The following ELAPOR1 variants were observed in gnomAD, a reference collection of about 807,000 sequenced individuals.
ELAPOR1 encodes the protein endosome-lysosome associated apoptosis and autophagy regulator 1, also known as endosome/lysosome-associated apoptosis and autophagy regulator 1.
A neutral mutation model predicts 119.7 loss-of-function variants in ELAPOR1; 77 were observed. The ratio of observed to expected loss-of-function variants is 0.64; its 90% confidence interval spans 0.54 to 0.78. The LOEUF is 0.78. Among genes scored for constraint, ELAPOR1 ranks in the 30% least tolerant of loss-of-function variants. The pLI, the probability that ELAPOR1 is intolerant of heterozygous loss-of-function variation, is 0.00. For synonymous variants in ELAPOR1, 481 were observed against 487.2 expected (o/e 0.99, Z 0.17); for missense variants, 1,115 against 1,270.4 (o/e 0.88, Z 1.86).
chr1:109,168,969 A>G (rs1388941251), intron 3 of ELAPOR1, among the ~76,000 whole-genome samples: 1 of 152,214 alleles, frequency 6.6e-6, no homozygotes, highest in Non-Finnish European at 1.5e-5. Context: ...CATTTTGCAA[A>G]TGTAACCCAC....
chr1:109,199,236 G>A (rs958956817), intron 18 of ELAPOR1, among the ~76,000 whole-genome samples: 1 of 152,066 alleles, frequency 6.6e-6, no homozygotes, highest in South Asian at 2.1e-4. Context: ...ATGACCACAG[G>A]ACACCCCCTC....
At chr1:109,161,714 T>C (rs1193762188) in intron 1 of ELAPOR1, 180 bp from the exon 2 acceptor site, 3 of 589,604 alleles carry the variant, frequency 5.1e-6, no homozygotes, top group Non-Finnish European at 8.8e-6. Context: ...TGGAAGGGAA[T>C]GATCCAAATC....
rs1049544471 is a variant in ELAPOR1, at chr1:109,158,522, C to A, written c.154-3372C>A. 3.3e-5 allele frequency among the ~76,000 whole-genome samples: 5 copies of A among 152,030 alleles called. No homozygotes were observed. The South Asian group carries it at 6.2e-4, about 19-fold the overall frequency. On this transcript the variant is annotated intron_variant, in intron 1 of 21. Coordinates refer to ENST00000369939, the MANE Select transcript of ELAPOR1 (RefSeq NM_020775.5). ...AGTATTACATGGCTGGGTGACGCTA[C>A]GGAAGGATGCGCTAACTACAGTTCC...
In ELAPOR1 at chr1:109,172,556, G is replaced by A. The variant is rs2101059896; in HGVS notation, c.684G>A (p.Trp228Ter). 2.5e-6 allele frequency: 4 copies of A among 1,613,132 alleles called. No individual in the cohort carries two copies. Among genetic ancestry groups the A allele is most frequent in the Non-Finnish European group, 2.5e-6 (3 of 1,179,172 alleles). Residue 228 changes from tryptophan to a stop codon, truncating the protein, a stop_gained, in exon 5 of 22, where the codon TGG (tryptophan) becomes TGA (stop). Transcript: ENST00000369939. LOFTEE classifies it high-confidence loss of function. ...SRWMKTTEKG[W>*]EFHSVELNRG... ...GGATGAAGACCACAGAGAAAGGATG[G>A]GAATTCCACAGTGTGAGTATCACAC...
At chr1:109,165,952 G>A (rs1651574701) in intron 3 of ELAPOR1, among the ~76,000 whole-genome samples, 1 of 150,208 alleles carries the variant, frequency 6.7e-6, no homozygotes, top group African/African-American at 2.5e-5. Context: ...GTCTCGCTCT[G>A]TCACCCAGGC....
intron 3 of ELAPOR1, among the ~76,000 whole-genome samples, chr1:109,167,673 A>G (rs1651679003): frequency 6.6e-6 from 1 of 152,006 alleles, no homozygotes; most frequent in Non-Finnish European, 1.5e-5. Context: ...CAATGGCGCA[A>G]TCACAGCTCA....
At chr1:109,180,411 G>A (rs537696429) in intron 7 of ELAPOR1, among the ~76,000 whole-genome samples, 10 of 152,156 alleles carry the variant, frequency 6.6e-5, no homozygotes, top group East Asian at 5.8e-4. Context: ...GGAGGCTGAC[G>A]CAGGAGGATC....
intron 1 of ELAPOR1, among the ~76,000 whole-genome samples, chr1:109,148,461 A>C (rs540517525): frequency 2.6e-5 from 4 of 152,342 alleles, no homozygotes; most frequent in South Asian, 4.1e-4. Context: ...TTAAAAAATT[A>C]TCTTGGAGAA....
At chr1:109,192,577 T>C in intron 13 of ELAPOR1, 34 bp from the exon 14 acceptor site, 1 of 1,609,232 alleles carries the variant, frequency 6.2e-7, no homozygotes, top group East Asian at 2.2e-5. Context: ...GTCTCAGGCC[T>C]CTCCCCTCTC....
rs191653185 is a variant in ELAPOR1 at position 109,188,029 on chromosome 1, C to T, written c.1042-148C>T. 4.2e-3 allele frequency: 5,932 copies of T among 1,420,416 alleles called. 18 individuals are homozygous for T. Among genetic ancestry groups the T allele is most frequent in the Non-Finnish European group, 4.2e-3 (4,519 of 1,084,322 alleles). 88.0% of individuals were successfully genotyped at this position (1,420,416 alleles called of 1,614,324 possible). A position where few individuals can be genotyped will look rare whatever the true frequency, so the allele number is the denominator to read the frequency against. ...CTGGGCTAGGTGCTTGGGATACATC[C>T]GTGAGCCACACAAAGTTCCCCACCC... On this transcript the variant is annotated intron_variant, in intron 8 of 21. Transcript: ENST00000369939.
At chr1:109,158,226 A>C (rs1306726615) in intron 1 of ELAPOR1, among the ~76,000 whole-genome samples, 5 of 152,120 alleles carry the variant, frequency 3.3e-5, no homozygotes, top group Non-Finnish European at 7.4e-5. Context: ...TAAAAGTAAC[A>C]GATACTATTT....
chr1:109,157,354 T>A (rs111825300), intron 1 of ELAPOR1, among the ~76,000 whole-genome samples: 2,896 of 152,296 alleles, frequency 0.019, 36 homozygotes, highest in South Asian at 0.039. Context: ...TAATTTACCA[T>A]TGAATTGTTT....
chr1:109,188,299 A>C lies in ELAPOR1; in HGVS notation c.1164A>C (p.Lys388Asn). The change falls in exon 9 of 22, where the codon AAA becomes AAC. Residue 388 changes from lysine to asparagine, a missense_variant. By Grantham distance (94) the Lys-to-Asn change is moderately conservative (BLOSUM62 0). Coordinates refer to ENST00000369939, the MANE Select transcript of ELAPOR1 (RefSeq NM_020775.5). ...HCPPCNPGFF[K>N]TNNSTCQPCP... ...CACCCTGCAACCCAGGCTTCTTCAA[A>C]ACCAACAACAGCACCTGCCAGCCCT... is the stretch of plus-strand genomic sequence containing the variant. 2 of 1,614,122 alleles carry C rather than the reference A, an allele frequency of 1.2e-6. No individual in the cohort carries two copies. Among genetic ancestry groups the C allele is most frequent in the Non-Finnish European group, 1.7e-6 (2 of 1,179,984 alleles).
chr1:109,149,538 G>C (rs1650396398), intron 1 of ELAPOR1, among the ~76,000 whole-genome samples: 1 of 152,134 alleles, frequency 6.6e-6, no homozygotes, highest in African/African-American at 2.4e-5. Context: ...TGTAATCCCA[G>C]CACCCGCACA....
intron 1 of ELAPOR1, among the ~76,000 whole-genome samples, chr1:109,133,447 A>G (rs969720727): frequency 6.6e-6 from 1 of 152,204 alleles, no homozygotes; most frequent in Admixed American, 6.5e-5. Context: ...AGAAAGATGT[A>G]CTGATGGTCT....
intron 7 of ELAPOR1, among the ~76,000 whole-genome samples, chr1:109,175,556 G>C (rs1213633086): frequency 6.7e-6 from 1 of 150,080 alleles, no homozygotes; most frequent in Non-Finnish European, 1.5e-5. Flanking sequence ...GCCAGGGGTG[G>C]TGGCTCGCGC....
At chr1:109,146,390 C>T (rs1319471344) in intron 1 of ELAPOR1, among the ~76,000 whole-genome samples, 3 of 152,054 alleles carry the variant, frequency 2.0e-5, no homozygotes, top group African/African-American at 7.2e-5. Context: ...AAAGATAAAT[C>T]CATATCTAGA....
chr1:109,193,961 AC>A (rs1421033521), intron 14 of ELAPOR1, among the ~76,000 whole-genome samples: 6 of 152,166 alleles, frequency 3.9e-5, no homozygotes, highest in African/African-American at 1.2e-4. Flanking sequence ...TCAGTTTCCT[AC>A]AGAGAACCTG....
intron 1 of ELAPOR1, among the ~76,000 whole-genome samples, chr1:109,122,332 C>G (rs1168342526): frequency 6.7e-6 from 1 of 149,534 alleles, no homozygotes; most frequent in Non-Finnish European, 1.5e-5. Flanking sequence ...AGCCACTGTG[C>G]CCAGCTTCAG....
Sources: allele counts gnomAD v4.1 joint callset (sites outside exome capture counted in the v4.1 genomes callset), GRCh38; gene constraint gnomAD v4.1.1; transcripts MANE v1.5; gene names NCBI Gene and HGNC (gene_info 2026-07-23, HGNC 2026-07-21).